Variants in DOC2B observed in about 807,000 individuals in gnomAD.
DOC2B encodes the protein double C2-like domain-containing protein beta.
In DOC2B, 21 loss-of-function variants were observed where a neutral mutation model predicts 28.9. The observed-to-expected ratio is 0.73, with a 90% CI of 0.52 to 1.05. DOC2B has a LOEUF of 1.05. DOC2B is among the 50% of genes least tolerant of loss of function. The pLI is 0.00. For missense variants in DOC2B, 384 were observed against 421.1 expected (o/e 0.91, Z 0.77); for synonymous variants, 194 against 178.1 (o/e 1.09, Z -0.71).
chr17:164,666 C>T (rs2040242286), intron 2 of DOC2B, among the ~76,000 whole-genome samples: 1 of 152,132 alleles, frequency 6.6e-6, no homozygotes, highest in Admixed American at 6.5e-5. Context: ...CCACAACTCC[C>T]AGTCAGTCCA....
chr17:157,855 G>A (rs749829507), intron 5 of DOC2B, among the ~76,000 whole-genome samples: 2 of 152,334 alleles, frequency 1.3e-5, no homozygotes, highest in African/African-American at 2.4e-5. Context: ...GGTCCCCTGT[G>A]CGTTCAACCT....
intron 6 of DOC2B, 65 bp downstream of exon 6, chr17:156,155 G>C: frequency 6.8e-7 from 1 of 1,472,910 alleles, no homozygotes; most frequent in Non-Finnish European, 9.0e-7. Context: ...CCACGGAGCC[G>C]GCACACGGAC....
In DOC2B at chr17:162,186, T is replaced by C; in HGVS notation, c.533A>G (p.Asn178Ser). The C allele has an allele frequency of 6.4e-7, 1 of 1,550,878 alleles. No individual in the cohort carries two copies. Among genetic ancestry groups the C allele is most frequent in the East Asian group, 2.4e-5 (1 of 40,916 alleles). The change falls in exon 4 of 9, where the codon AAT (asparagine) becomes AGT (serine). Residue 178 changes from asparagine to serine, a missense_variant. Coordinates refer to ENST00000613549, the MANE Select transcript of DOC2B (RefSeq NM_003585.5). The part of the protein sequence containing the change: ...LHLLPGASKA[N>S]KLRTKTLRNT... ...ACGGAGAGTTTTTGTTCTGAGCTTA[T>C]TTGCCTGGAGAAGAGAAAAATGATC...
rs1555522994 is a variant in DOC2B, at chr17:159,776, G to GACGCACATGCTTTCAC, written c.765+1623_765+1638dup. 3.9e-5 allele frequency among the ~76,000 whole-genome samples: 6 copies of GACGCACATGCTTTCAC among 152,272 alleles called. No homozygotes were observed. In the East Asian group the frequency reaches 1.2e-3, roughly 29 times the overall value. On this transcript the variant is annotated intron_variant, in intron 5 of 8. Coordinates refer to ENST00000613549, the MANE Select transcript of DOC2B (RefSeq NM_003585.5). ...CGCCCTGATCATGGCCACGCACAGG[G>GACGCACATGCTTTCAC]ACGCACATGCTTTCACGAACGCACA...
At chr17:168,686 CGTCTCACG>C (rs2040276376) in intron 2 of DOC2B, among the ~76,000 whole-genome samples, 2 of 143,720 alleles carry the variant, frequency 1.4e-5, no homozygotes, top group East Asian at 2.1e-4. Context: ...GTAGTGAATA[CGTCTCACG>C]AGATCTCATG....
chr17:180,290 G>T (rs1315081002), intron 1 of DOC2B, among the ~76,000 whole-genome samples: 1 of 152,134 alleles, frequency 6.6e-6, no homozygotes, highest in Non-Finnish European at 1.5e-5. Context: ...AGGCACCCTC[G>T]GGGACGGGAA....
chr17:160,207 C>A (rs1208312284), intron 5 of DOC2B, among the ~76,000 whole-genome samples: 1 of 152,160 alleles, frequency 6.6e-6, no homozygotes, highest in Non-Finnish European at 1.5e-5. Context: ...CTCTCTCGAA[C>A]TCTTGACCTC....
Position 181,029 on chromosome 17 carries a change from G to A in DOC2B, c.373+78C>T, listed in dbSNP as rs1484864374. 1.7e-6 allele frequency: 2 copies of A among 1,153,662 alleles called. No homozygotes were observed. The highest frequency in any genetic ancestry group is 4.3e-5 in the South Asian group (1 of 23,318). 71.5% of individuals were successfully genotyped at this position (1,153,662 alleles called of 1,614,324 possible). A position where few individuals can be genotyped will look rare whatever the true frequency, so the allele number is the denominator to read the frequency against. On this transcript the variant is annotated intron_variant, in intron 1 of 8. Coordinates refer to ENST00000613549, the MANE Select transcript of DOC2B (RefSeq NM_003585.5). The surrounding 1 kb of genome is among the most constrained non-coding windows in gnomAD (Gnocchi z 7.0). ...CGCGAGCGCGCGAGGGGGACCGGCG[G>A]AGGGAAGCCGCGAGGCCGTGGGGGG...
chr17:162,934 C>G (rs890254843), intron 3 of DOC2B, among the ~76,000 whole-genome samples: 1 of 152,186 alleles, frequency 6.6e-6, no homozygotes, highest in Non-Finnish European at 1.5e-5. Context: ...CCTGTGCCAG[C>G]GGCTCTGAGC....
chr17:148,106 AAG>A (rs2040035288), intron 8 of DOC2B, 65 bp downstream of exon 8: 2 of 398,014 alleles, frequency 5.0e-6, no homozygotes, highest in Non-Finnish European at 8.9e-6. Context: ...TGGACCAGGA[AAG>A]AGGGGCTGTG....
chr17:180,812 G>A (rs892067814), intron 1 of DOC2B, among the ~76,000 whole-genome samples: 5 of 151,906 alleles, frequency 3.3e-5, no homozygotes, highest in African/African-American at 1.2e-4. Context: ...CGGGCTGGCA[G>A]GGAGGGGGCG....
chr17:157,593 C>T (rs1307916360), intron 5 of DOC2B, among the ~76,000 whole-genome samples: 2 of 152,196 alleles, frequency 1.3e-5, no homozygotes, highest in Non-Finnish European at 2.9e-5. Flanking sequence ...TTCTGAGTAG[C>T]TGGGACTACA....
Position 143,942 on chromosome 17 carries a change from G to C in DOC2B, c.*3499C>G, listed in dbSNP as rs1338988514. On this transcript the variant is annotated 3_prime_UTR_variant, in exon 9 of 9. Coordinates refer to ENST00000613549, the MANE Select transcript of DOC2B (RefSeq NM_003585.5). ...TTCACTCGGTTTGCGAAGGAACAAC[G>C]GGCTCGGCATGCACGGCCCGGGCTC... 6.6e-6 allele frequency: 1 copy of C among 152,400 alleles called. No individual in the cohort carries two copies. The highest frequency in any genetic ancestry group is 2.0e-4 in the South Asian group (1 of 5,074). The allele number at this position is 152,400 out of a possible 1,614,324, so 9.4% of individuals were successfully genotyped here.
At chr17:147,716 G>A in intron 8 of DOC2B, 139 bp from the exon 9 acceptor site, 1 of 398,152 alleles carries the variant, frequency 2.5e-6, no homozygotes. Flanking sequence ...AACAGGACCT[G>A]ACCTCCATGC....
intron 1 of DOC2B, among the ~76,000 whole-genome samples, chr17:175,667 G>C (rs1462857175): frequency 2.6e-5 from 4 of 152,366 alleles, no homozygotes; most frequent in Non-Finnish European, 5.9e-5. Flanking sequence ...GCTCCCAGGA[G>C]CTGGGATCTG....
intron 5 of DOC2B, among the ~76,000 whole-genome samples, chr17:157,104 G>A (rs1420577650): frequency 1.3e-5 from 2 of 152,160 alleles, no homozygotes; most frequent in Admixed American, 6.5e-5. Context: ...AGCGCTAAGC[G>A]GCCCTTCACG....
chr17:181,351 G>A lies in DOC2B; in HGVS notation c.129C>T (p.Gly43=), dbSNP rs200059495. ...ISDYFPRFPR[G]LPPDAGPRAA... ...CTCGGGGCCCGGCGTCCGGGGGCAG[G>A]CCCCGCGGGAAGCGGGGGAAGTAGT... Residue 43 remains glycine, a synonymous_variant, in exon 1 of 9, where the codon GGC becomes GGT. Transcript: ENST00000613549. This position sits in a 1 kb window ranked among gnomAD's most constrained non-coding sequence, Gnocchi z 7.0. 5.0e-4 allele frequency: 567 copies of A among 1,131,130 alleles called. 7 individuals carry two copies. The East Asian group carries it at 0.027, about 53-fold the overall frequency. The allele number at this position is 1,131,130 out of a possible 1,614,324, so 70.1% of individuals were successfully genotyped here. A position where few individuals can be genotyped will look rare whatever the true frequency, so the allele number is the denominator to read the frequency against.
Position 147,422 on chromosome 17 carries a change from T to C in DOC2B, c.*19A>G. The C allele has an allele frequency of 2.5e-6, 1 of 398,780 alleles. No individual in the cohort carries two copies. Among genetic ancestry groups the C allele is most frequent in the Non-Finnish European group, 4.4e-6 (1 of 226,228 alleles). The allele number at this position is 398,780 out of a possible 1,614,324, so 24.7% of individuals were successfully genotyped here. On this transcript the variant is annotated 3_prime_UTR_variant, in exon 9 of 9. Transcript: ENST00000613549. Reference sequence around the variant, plus strand: ...TGCTGGGCGCAGGTGGCGGCAGGGGTAGCAGTGGCGGGTGGGCGTCAGTCG... The same window carrying C: ...TGCTGGGCGCAGGTGGCGGCAGGGGCAGCAGTGGCGGGTGGGCGTCAGTCG...
At chr17:157,009 C>T (rs1394840852) in intron 5 of DOC2B, among the ~76,000 whole-genome samples, 4 of 152,236 alleles carry the variant, frequency 2.6e-5, no homozygotes, top group African/African-American at 4.8e-5. Flanking sequence ...TTGCCAGCTC[C>T]GTGATGCTTC....
Sources: gnomAD v4.1 joint callset for allele counts (sites outside exome capture counted in the v4.1 genomes callset) on GRCh38, gnomAD v4.1.1 for gene constraint, Gnocchi (gnomAD v3.1) non-coding constraint, MANE v1.5 for transcripts, NCBI Gene and HGNC (gene_info 2026-07-23, HGNC 2026-07-21) for gene names.